The following RADIL variants were observed in gnomAD, a reference collection of about 807,000 sequenced individuals.
RADIL encodes ras-associating and dilute domain-containing protein.
RADIL carries 99 observed loss-of-function variants against 97.6 expected under a neutral mutation model. The observed-to-expected ratio is 1.01, with a 90% CI of 0.86 to 1.20. RADIL has a LOEUF of 1.20. RADIL is among the 50% of genes most tolerant of loss of function. RADIL has a pLI of 0.00. For missense variants in RADIL, 1,765 were observed against 1,498.9 expected, an observed-to-expected ratio of 1.18 and a Z score of -2.93; for synonymous variants, 803 against 691.8, an observed-to-expected ratio of 1.16 and a Z score of -2.52.
chr7:4,817,258 C>T lies in RADIL; in HGVS notation c.1709G>A (p.Cys570Tyr), dbSNP rs772672674. Reference sequence around the variant, plus strand: ...GTGCACCTTGGAGACATAGTAGACGCACTGCTGGAAGGCGTACAGCACCAC... The same window carrying T: ...GTGCACCTTGGAGACATAGTAGACGTACTGCTGGAAGGCGTACAGCACCAC... Reference protein sequence around the residue: ...EEVVLYAFQQCVYYVSKSLYI... With the variant: ...EEVVLYAFQQYVYYVSKSLYI... Residue 570 changes from cysteine (C) to tyrosine (Y), a missense_variant, in exon 7 of 15, where the codon TGC (cysteine) becomes TAC (tyrosine). By Grantham distance (194) the Cys-to-Tyr change is radical (BLOSUM62 -2). Transcript: ENST00000399583. This position sits in a 1 kb window ranked among gnomAD's most constrained non-coding sequence, Gnocchi z 8.3. The T allele has an allele frequency of 1.2e-6, 2 of 1,612,318 alleles. No homozygotes were observed. Among genetic ancestry groups the T allele is most frequent in the South Asian group, 1.1e-5 (1 of 90,996 alleles).
At chr7:4,844,571 G>T (rs1304705958) in intron 2 of RADIL, among the ~76,000 whole-genome samples, 1 of 152,174 alleles carries the variant, frequency 6.6e-6, no homozygotes. Context: ...ATTTAGCAAG[G>T]TGACTAGACA....
chr7:4,804,007 G>C, intron 10 of RADIL: 1 of 564,648 alleles, frequency 1.8e-6, no homozygotes. Context: ...CTTGTAGCCA[G>C]GAACCCTCCA....
In RADIL at chr7:4,817,327, CAGG is replaced by C. The variant is rs749888829; in HGVS notation, c.1637_1639del (p.Ser546del). The C allele has an allele frequency of 7.4e-6, 12 of 1,612,168 alleles. No individual in the cohort carries two copies. The African/African-American group carries it at 1.1e-4, about 14-fold the overall frequency. On this transcript the variant is annotated inframe_deletion, in exon 7 of 15. Transcript: ENST00000399583. The surrounding 1 kb of genome is among the most constrained non-coding windows in gnomAD (Gnocchi z 8.3). ...GGCCTCCTCGCTGGCCGTCAGCGTG[CAGG>C]AGAACAGCGATTCCTTCGAGCCTGC...
intron 2 of RADIL, among the ~76,000 whole-genome samples, chr7:4,838,998 G>C (rs774061854): frequency 3.9e-5 from 6 of 152,230 alleles, no homozygotes; most frequent in Non-Finnish European, 7.3e-5. Flanking sequence ...AGTTAGCAAA[G>C]CCCAGAACCC....
At chr7:4,836,274 G>T in intron 3 of RADIL, 84 bp downstream of exon 3, 1 of 1,535,598 alleles carries the variant, frequency 6.5e-7, no homozygotes. Context: ...CTGGGCTAAA[G>T]GCAGGCGGAG....
In RADIL at chr7:4,815,581, A is replaced by C; in HGVS notation, c.1967-131T>G. ...ACATCACAGCTCGATGACAGGCAGGACACCTTCCCTCGGTTTTCAAGGCAA... is the reference window on the plus strand; with the variant it reads ...ACATCACAGCTCGATGACAGGCAGGCCACCTTCCCTCGGTTTTCAAGGCAA... On this transcript the variant is annotated intron_variant, in intron 8 of 14. Coordinates refer to ENST00000399583, the MANE Select transcript of RADIL (RefSeq NM_018059.5). The surrounding 1 kb of genome is among the most constrained non-coding windows in gnomAD (Gnocchi z 8.0). The C allele has an allele frequency of 9.7e-7, 1 of 1,026,226 alleles. No individual in the cohort carries two copies. Among genetic ancestry groups the C allele is most frequent in the Non-Finnish European group, 1.4e-6 (1 of 734,324 alleles). 63.6% of individuals were successfully genotyped at this position (1,026,226 alleles called of 1,614,324 possible).
chr7:4,850,605 C>A (rs1370162091), intron 2 of RADIL, among the ~76,000 whole-genome samples: 7 of 152,176 alleles, frequency 4.6e-5, no homozygotes, highest in Non-Finnish European at 8.8e-5. Flanking sequence ...CATCACGGGG[C>A]AACCTGACAA....
chr7:4,821,149 C>T lies in RADIL; in HGVS notation c.1615+1245G>A, dbSNP rs1033058111. Among the ~76,000 whole-genome samples, 6 of 152,320 alleles carry T rather than the reference C, an allele frequency of 3.9e-5. No individual in the cohort carries two copies. The East Asian group carries it at 7.7e-4, about 20-fold the overall frequency. ...CTGCGCCTCCCTCGAAGCTCAGAGA[C>T]GCAGCCTGGAGCAGCTCTGAATGCA... On this transcript the variant is annotated intron_variant, in intron 6 of 14. Transcript: ENST00000399583. This position sits in a 1 kb window ranked among gnomAD's most constrained non-coding sequence, Gnocchi z 5.2.
rs567316246 is a variant in RADIL at position 4,815,525 on chromosome 7, G to A, written c.1967-75C>T. On this transcript the variant is annotated intron_variant, in intron 8 of 14. Coordinates refer to ENST00000399583, the MANE Select transcript of RADIL (RefSeq NM_018059.5). This position sits in a 1 kb window ranked among gnomAD's most constrained non-coding sequence, Gnocchi z 8.0. Reference sequence around the variant, plus strand: ...ACACAGACATGGGCCTGTCCCCAGAGCCTGCCCTTCCCGGCTCTGGGCCAC... The same window carrying A: ...ACACAGACATGGGCCTGTCCCCAGAACCTGCCCTTCCCGGCTCTGGGCCAC... 1.7e-5 allele frequency: 24 copies of A among 1,392,934 alleles called. 1 individual carries two copies. The African/African-American group carries it at 3.5e-4, about 20-fold the overall frequency. The allele number at this position is 1,392,934 out of a possible 1,614,324, so 86.3% of individuals were successfully genotyped here.
At chr7:4,829,282 C>G (rs191985558) in intron 5 of RADIL, among the ~76,000 whole-genome samples, 1 of 152,196 alleles carries the variant, frequency 6.6e-6, no homozygotes, top group African/African-American at 2.4e-5. Context: ...GCCTGGGTCC[C>G]TCACACAGTC....
intron 2 of RADIL, chr7:4,859,021 G>A (rs956436983): frequency 6.6e-6 from 1 of 152,142 alleles, no homozygotes; most frequent in Non-Finnish European, 1.5e-5. Context: ...AAACCAGTGT[G>A]TCCTTTCTCC....
chr7:4,878,339 T>C lies in RADIL; in HGVS notation c.-64-136A>G, dbSNP rs2115054529. ...TGGGAGGACGGCTTGAGCCCGGGAG[T>C]TCCAGACCAGCCTGGGAAACATAGT... On this transcript the variant is annotated intron_variant, in intron 1 of 14. Coordinates refer to ENST00000399583, the MANE Select transcript of RADIL (RefSeq NM_018059.5). The surrounding 1 kb of genome is among the most constrained non-coding windows in gnomAD (Gnocchi z 4.1). The C allele has an allele frequency of 3.2e-6, 2 of 616,814 alleles. No individual in the cohort carries two copies. Among genetic ancestry groups the C allele is most frequent in the East Asian group, 5.7e-5 (2 of 35,258 alleles). The allele number at this position is 616,814 out of a possible 1,614,324, so 38.2% of individuals were successfully genotyped here. A position where few individuals can be genotyped will look rare whatever the true frequency, so the allele number is the denominator to read the frequency against.
At chr7:4,861,936 A>G in intron 2 of RADIL, 1 of 511,466 alleles carries the variant, frequency 2.0e-6, no homozygotes, top group East Asian at 3.4e-5. Context: ...CCCCACTCCC[A>G]CTCCCGCTGC....
chr7:4,876,603 A>G (rs1784383222), intron 2 of RADIL, among the ~76,000 whole-genome samples: 1 of 150,812 alleles, frequency 6.6e-6, no homozygotes, highest in Non-Finnish European at 1.5e-5. Flanking sequence ...GCCTGGCCAA[A>G]ATTATTTTTT....
At chr7:4,839,463 G>A (rs953966053) in intron 2 of RADIL, among the ~76,000 whole-genome samples, 2 of 152,236 alleles carry the variant, frequency 1.3e-5, no homozygotes, top group Non-Finnish European at 1.5e-5. Context: ...CACACAGTGC[G>A]TTTACCACAT....
chr7:4,804,946 T>G lies in RADIL; in HGVS notation c.2290+620A>C, dbSNP rs146420344. Among the ~76,000 whole-genome samples, 242 of 151,696 alleles carry G rather than the reference T, an allele frequency of 1.6e-3. 1 individual carries two copies. The highest frequency in any genetic ancestry group is 5.2e-3 in the African/African-American group (215 of 41,284). On this transcript the variant is annotated intron_variant, in intron 10 of 14. Transcript: ENST00000399583. ...CCGTCTCTACTAAAGATTCAAAAAT[T>G]AGTTGGGCGTGGTGGCGGACACCTG... is the stretch of plus-strand genomic sequence containing the variant.
chr7:4,799,231 T>C lies in RADIL; in HGVS notation c.*147A>G, dbSNP rs750417011. 3.1e-6 allele frequency: 2 copies of C among 643,062 alleles called. No individual in the cohort carries two copies. The highest frequency in any genetic ancestry group is 5.5e-6 in the Non-Finnish European group (2 of 364,776). The allele number at this position is 643,062 out of a possible 1,614,324, so 39.8% of individuals were successfully genotyped here. On this transcript the variant is annotated 3_prime_UTR_variant, in exon 15 of 15. Transcript: ENST00000399583. ...TAAATAGAACCTACACTGAGATGCA[T>C]GTTATCAACAGGCATGTCCCCAGGG...
chr7:4,817,219 A>C lies in RADIL; in HGVS notation c.1728+20T>G, dbSNP rs1202570071. On this transcript the variant is annotated intron_variant, in intron 7 of 14. Transcript: ENST00000399583. The surrounding 1 kb of genome is among the most constrained non-coding windows in gnomAD (Gnocchi z 8.3). ...ATCCCAGGAGCTGCCTGAGTGCAGA[A>C]GCAGAGCCCGTCCGTGCACCTTGGA... The C allele has an allele frequency of 1.3e-6, 2 of 1,597,328 alleles. No homozygotes were observed. Among genetic ancestry groups the C allele is most frequent in the Non-Finnish European group, 1.7e-6 (2 of 1,168,828 alleles).
At position 4,835,246 on chromosome 7, in the gene RADIL, C is replaced by CA. The variant is rs1444792221; in HGVS notation, c.784-8dup. ...GCACATACACCAGGCTGTCCTGAAA[C>CA]AGAGACTCCGCTCAGGGCAGGCGTA... On this transcript the variant is annotated splice_polypyrimidine_tract_variant and splice_region_variant and intron_variant, in intron 3 of 14. Coordinates refer to ENST00000399583, the MANE Select transcript of RADIL (RefSeq NM_018059.5). The surrounding 1 kb of genome is among the most constrained non-coding windows in gnomAD (Gnocchi z 5.8). 6.2e-7 allele frequency: 1 copy of CA among 1,607,170 alleles called. No homozygotes were observed. The highest frequency in any genetic ancestry group is 8.5e-7 in the Non-Finnish European group (1 of 1,179,734).
Sources: allele counts gnomAD v4.1 joint callset (sites outside exome capture counted in the v4.1 genomes callset), GRCh38; gene constraint gnomAD v4.1.1; non-coding constraint Gnocchi (gnomAD v3.1); transcripts MANE v1.5; gene names NCBI Gene and HGNC (gene_info 2026-07-23, HGNC 2026-07-21).